DPYD: variants seen among roughly 807,000 people sequenced by gnomAD.
The protein encoded by DPYD is dihydropyrimidine dehydrogenase, also known as dihydropyrimidine dehydrogenase [NADP(+)].
In DPYD, 109 loss-of-function variants were observed where a neutral mutation model predicts 116.2. The observed-to-expected ratio is 0.94, with a 90% CI of 0.80 to 1.10. DPYD has a LOEUF of 1.10. Ranked by LOEUF, DPYD falls within the 50% of genes least tolerant of loss-of-function variation. DPYD has a pLI of 0.00. For missense variants in DPYD, 1,302 were observed against 1,254.5 expected (o/e 1.04, Z -0.57); for synonymous variants, 440 against 432.0 (o/e 1.02, Z -0.23).
intron 18 of DPYD, among the ~76,000 whole-genome samples, chr1:97,245,269 A>C: frequency 6.6e-6 from 1 of 152,098 alleles, no homozygotes; most frequent in South Asian, 2.1e-4. Flanking sequence ...TACAACAATA[A>C]GACAATTAGT....
At chr1:97,201,464 A>G (rs926551634) in intron 19 of DPYD, among the ~76,000 whole-genome samples, 1 of 152,204 alleles carries the variant, frequency 6.6e-6, no homozygotes, top group Non-Finnish European at 1.5e-5. Context: ...AGATAAGGTA[A>G]GAATTCAGAA....
At chr1:97,825,626 TGG>T (rs1669195127) in intron 3 of DPYD, among the ~76,000 whole-genome samples, 2 of 11,448 alleles carry the variant, frequency 1.7e-4, no homozygotes, top group Non-Finnish European at 2.9e-4. Flanking sequence ...TGTCATGGGG[TGG>T]GGGGAGGGGG....
intron 20 of DPYD, among the ~76,000 whole-genome samples, chr1:97,169,020 T>C (rs562841668): frequency 5.3e-5 from 8 of 152,106 alleles, no homozygotes; most frequent in Admixed American, 2.0e-4. Flanking sequence ...TTAATTTTTG[T>C]ATTTTTTTGT....
In DPYD at chr1:97,594,913, C is replaced by CT. The variant is rs1397160848; in HGVS notation, c.958+145dup. The CT allele has an allele frequency of 0.012, 5,868 of 498,574 alleles. No homozygotes were observed. The highest frequency in any genetic ancestry group is 0.02 in the South Asian group (812 of 39,704). 30.9% of individuals were successfully genotyped at this position (498,574 alleles called of 1,614,324 possible). On this transcript the variant is annotated intron_variant, in intron 9 of 22. Coordinates refer to ENST00000370192, the MANE Select transcript of DPYD (RefSeq NM_000110.4). ...ATTCTGGCAAACTGTTATACCCGGC[C>CT]TTTTTTTTTTTAATTTTACATTTGG...
chr1:97,364,741 G>A (rs1363649986), intron 16 of DPYD, among the ~76,000 whole-genome samples: 1 of 152,162 alleles, frequency 6.6e-6, no homozygotes, highest in Non-Finnish European at 1.5e-5. Context: ...GGTTGTAATA[G>A]TTCTCAGAGA....
chr1:97,095,743 A>G (rs1650198564), intron 21 of DPYD, among the ~76,000 whole-genome samples: 1 of 152,072 alleles, frequency 6.6e-6, no homozygotes, highest in Non-Finnish European at 1.5e-5. Context: ...TTAATCTCTA[A>G]TTTTCTAAAG....
chr1:97,788,978 A>AT (rs1241358166), intron 3 of DPYD, among the ~76,000 whole-genome samples: 3 of 152,020 alleles, frequency 2.0e-5, no homozygotes, highest in African/African-American at 7.2e-5. Context: ...TAATTTTTGT[A>AT]TTTTTTGTAG....
chr1:97,864,928 C>A (rs1671296757), intron 2 of DPYD, among the ~76,000 whole-genome samples: 1 of 151,552 alleles, frequency 6.6e-6, no homozygotes, highest in Admixed American at 6.6e-5. Flanking sequence ...TAGGTGAGGG[C>A]AAGAGATTTA....
intron 13 of DPYD, among the ~76,000 whole-genome samples, chr1:97,512,207 C>T (rs1647852115): frequency 6.6e-6 from 1 of 151,766 alleles, no homozygotes. Context: ...TTGTGTTTTA[C>T]AGAAACAGCT....
chr1:97,250,185 G>A (rs991795879), intron 18 of DPYD, among the ~76,000 whole-genome samples: 2 of 152,016 alleles, frequency 1.3e-5, no homozygotes, highest in Admixed American at 6.5e-5. Context: ...CAGGAGAATC[G>A]CGTGAACATG....
At chr1:97,639,713 T>G (rs1037990591) in intron 8 of DPYD, among the ~76,000 whole-genome samples, 25 of 152,242 alleles carry the variant, frequency 1.6e-4, no homozygotes, top group African/African-American at 5.5e-4. Context: ...TGAACTTAAT[T>G]TCATATAATT....
intron 20 of DPYD, among the ~76,000 whole-genome samples, chr1:97,139,288 TGGATCAC>T (rs1654033615): frequency 6.6e-6 from 1 of 152,136 alleles, no homozygotes; most frequent in Non-Finnish European, 1.5e-5. Flanking sequence ...TAATTATAAT[TGGATCAC>T]GCCAGTGGGA....
At chr1:97,184,925 T>C (rs1422829837) in intron 20 of DPYD, among the ~76,000 whole-genome samples, 1 of 152,144 alleles carries the variant, frequency 6.6e-6, no homozygotes, top group East Asian at 1.9e-4. Flanking sequence ...CAATATTGAA[T>C]AGAAGTAGAA....
chr1:97,485,428 C>T (rs1422347741), intron 13 of DPYD, among the ~76,000 whole-genome samples: 6 of 152,208 alleles, frequency 3.9e-5, no homozygotes, highest in Non-Finnish European at 7.3e-5. Flanking sequence ...TCTCGAACTC[C>T]TGAGCTCAGG....
intron 13 of DPYD, among the ~76,000 whole-genome samples, chr1:97,501,136 A>G (rs554889674): frequency 6.6e-6 from 1 of 152,122 alleles, no homozygotes; most frequent in Non-Finnish European, 1.5e-5. Flanking sequence ...GAAGTGGGTA[A>G]TATTATATAA....
At chr1:97,083,714 G>A (rs994429374) in intron 21 of DPYD, among the ~76,000 whole-genome samples, 1 of 152,060 alleles carries the variant, frequency 6.6e-6, no homozygotes, top group Non-Finnish European at 1.5e-5. Flanking sequence ...AATGAGCACT[G>A]TCATTAGAGA....
At chr1:97,708,173 T>G (rs146218405) in intron 5 of DPYD, among the ~76,000 whole-genome samples, 82 of 152,198 alleles carry the variant, frequency 5.4e-4, no homozygotes, top group African/African-American at 1.9e-3. Context: ...ATCTTATCAA[T>G]AATTTATTTT....
intron 16 of DPYD, among the ~76,000 whole-genome samples, chr1:97,319,664 C>T: frequency 1.1e-5 from 1 of 94,096 alleles, no homozygotes; most frequent in Non-Finnish European, 2.1e-5. Context: ...CAAGGAGGAA[C>T]TGGTACCATT....
At chr1:97,555,162 T>A (rs1651600898) in intron 11 of DPYD, among the ~76,000 whole-genome samples, 1 of 152,118 alleles carries the variant, frequency 6.6e-6, no homozygotes, top group African/African-American at 2.4e-5. Context: ...TTAATTTTGA[T>A]CTTTTTTGAT....
Sources: gnomAD v4.1 joint callset for allele counts (sites outside exome capture counted in the v4.1 genomes callset) on GRCh38, gnomAD v4.1.1 for gene constraint, MANE v1.5 for transcripts, NCBI Gene and HGNC (gene_info 2026-07-23, HGNC 2026-07-21) for gene names.